The following SYCP2L variants were observed in gnomAD, a reference collection of about 807,000 sequenced individuals.
SYCP2L encodes synaptonemal complex protein 2 like, also known as synaptonemal complex protein 2-like.
In SYCP2L, 98 loss-of-function variants were observed where a neutral mutation model predicts 125.8. The observed-to-expected ratio is 0.78, with a 90% confidence interval of 0.66 to 0.92. The LOEUF is 0.92. SYCP2L is among the 40% of genes least tolerant of loss of function. The pLI is 0.00. For synonymous variants in SYCP2L, 317 were observed against 325.4 expected, an observed-to-expected ratio of 0.97 and a Z score of 0.28; for missense variants, 842 against 936.4, an observed-to-expected ratio of 0.90 and a Z score of 1.32.
chr6:10,919,120 G>C (rs1484404935), intron 14 of SYCP2L, among the ~76,000 whole-genome samples: 1 of 152,132 alleles, frequency 6.6e-6, no homozygotes, highest in African/African-American at 2.4e-5. Context: ...TGGTGAGCTA[G>C]TATGATTTTT....
chr6:10,948,029 C>CT (rs551796289), intron 23 of SYCP2L, among the ~76,000 whole-genome samples: 3 of 151,934 alleles, frequency 2.0e-5, no homozygotes, highest in Non-Finnish European at 2.9e-5. Flanking sequence ...CCTTTGGTTT[C>CT]TTTTTTTCCC....
intron 1 of SYCP2L, among the ~76,000 whole-genome samples, chr6:10,889,713 C>T (rs961537674): frequency 5.3e-5 from 8 of 151,522 alleles, no homozygotes; most frequent in African/African-American, 1.7e-4. Context: ...CTCCGCGTCC[C>T]GGGTTCAAGC....
intron 26 of SYCP2L, among the ~76,000 whole-genome samples, chr6:10,960,664 A>G (rs1280103298): frequency 1.3e-5 from 2 of 152,102 alleles, no homozygotes; most frequent in Non-Finnish European, 2.9e-5. Flanking sequence ...AATGCAAGAG[A>G]AAGGGGAGCA....
At position 10,915,349 on chromosome 6, in the gene SYCP2L, G is replaced by T. The variant is rs182957176; in HGVS notation, c.1072+2422G>T. On this transcript the variant is annotated intron_variant, in intron 14 of 29. Coordinates refer to ENST00000283141, the MANE Select transcript of SYCP2L (RefSeq NM_001040274.3). The stretch of plus-strand genomic sequence containing the variant: ...TCTGATTGCTCTGGCTAGGACTTCC[G>T]ATACTATGTTGAAGAGGAGTGGTGA... Among the ~76,000 whole-genome samples the T allele has an allele frequency of 1.6e-3, 240 of 152,178 alleles. 1 individual carries two copies. Among genetic ancestry groups the T allele is most frequent in the African/African-American group, 5.6e-3 (231 of 41,510 alleles).
At chr6:10,952,611 C>T (rs1304237594) in intron 23 of SYCP2L, among the ~76,000 whole-genome samples, 1 of 148,478 alleles carries the variant, frequency 6.7e-6, no homozygotes, top group East Asian at 2.0e-4. Context: ...CCAGAAGGGG[C>T]AGAACAGGTA....
chr6:10,967,518 A>T (rs1004645839), intron 29 of SYCP2L, among the ~76,000 whole-genome samples: 1 of 149,504 alleles, frequency 6.7e-6, no homozygotes, highest in East Asian at 2.0e-4. Flanking sequence ...AAAAAGAAAA[A>T]CCATTAGAAG....
intron 5 of SYCP2L, 37 bp from the exon 6 acceptor site, chr6:10,898,787 A>G (rs779515494): frequency 7.7e-6 from 10 of 1,292,110 alleles, no homozygotes; most frequent in Non-Finnish European, 1.1e-5. Context: ...GCTGTTTTAA[A>G]ATAATATGAG....
chr6:10,964,671 T>C (rs529202973), intron 29 of SYCP2L, among the ~76,000 whole-genome samples: 1 of 152,322 alleles, frequency 6.6e-6, no homozygotes, highest in South Asian at 2.1e-4. Context: ...CAAACGTGTT[T>C]AATGGAGGCA....
chr6:10,899,053 T>G (rs1457649090), intron 6 of SYCP2L, among the ~76,000 whole-genome samples: 4 of 152,358 alleles, frequency 2.6e-5, no homozygotes, highest in Non-Finnish European at 5.9e-5. Context: ...AGAAGCATTT[T>G]TATTTCGCTG....
intron 29 of SYCP2L, among the ~76,000 whole-genome samples, chr6:10,965,002 C>A (rs550906633): frequency 2.0e-5 from 3 of 151,990 alleles, no homozygotes; most frequent in Non-Finnish European, 4.4e-5. Context: ...CTTCATTGTC[C>A]ATGTTGAGGA....
At chr6:10,917,730 T>C (rs986756412) in intron 14 of SYCP2L, among the ~76,000 whole-genome samples, 3 of 152,268 alleles carry the variant, frequency 2.0e-5, no homozygotes, top group African/African-American at 7.2e-5. Flanking sequence ...ATATTGTATT[T>C]TTGTTTTATA....
intron 1 of SYCP2L, among the ~76,000 whole-genome samples, chr6:10,889,774 C>T (rs926001096): frequency 2.0e-5 from 3 of 152,148 alleles, no homozygotes; most frequent in African/African-American, 7.2e-5. Flanking sequence ...GCATGCGCCA[C>T]CCTGCCCGGA....
intron 14 of SYCP2L, among the ~76,000 whole-genome samples, chr6:10,915,957 T>A (rs2876212): frequency 0.37 from 56,027 of 152,002 alleles, 11,688 homozygotes; most frequent in Admixed American, 0.52. Flanking sequence ...TCCTGGACTT[T>A]TTGGTGTTGG....
chr6:10,931,569 AT>A (rs1220498380), intron 20 of SYCP2L, 80 bp downstream of exon 20: 4 of 1,381,058 alleles, frequency 2.9e-6, no homozygotes, highest in Non-Finnish European at 4.1e-6. Flanking sequence ...TTTCAGAAAT[AT>A]AAAAATAACA....
chr6:10,916,028 TTC>T (rs1780687094), intron 14 of SYCP2L, among the ~76,000 whole-genome samples: 1 of 152,218 alleles, frequency 6.6e-6, no homozygotes, highest in Non-Finnish European at 1.5e-5. Context: ...GGGTATCTGA[TTC>T]TTCCTGATTT....
intron 21 of SYCP2L, among the ~76,000 whole-genome samples, chr6:10,942,153 G>T (rs868478036): frequency 9.1e-6 from 1 of 110,042 alleles, no homozygotes; most frequent in African/African-American, 3.5e-5. Context: ...GTTGTGGGGT[G>T]GGGGGAGGGG....
intron 21 of SYCP2L, among the ~76,000 whole-genome samples, chr6:10,940,024 G>A (rs992228864): frequency 2.6e-5 from 4 of 152,170 alleles, no homozygotes; most frequent in Admixed American, 2.0e-4. Context: ...AATTAAAAAT[G>A]GGTAAAGAAG....
intron 1 of SYCP2L, among the ~76,000 whole-genome samples, chr6:10,889,283 A>C (rs1470601966): frequency 6.6e-6 from 1 of 152,188 alleles, no homozygotes; most frequent in Non-Finnish European, 1.5e-5. Context: ...ATTGACACAT[A>C]TATTAATTGA....
intron 29 of SYCP2L, among the ~76,000 whole-genome samples, chr6:10,972,554 T>C (rs1781791721): frequency 6.6e-6 from 1 of 152,228 alleles, no homozygotes; most frequent in Non-Finnish European, 1.5e-5. Flanking sequence ...ACCGTTCTTT[T>C]TGTGACTTGG....
Sources: allele counts gnomAD v4.1 joint callset (sites outside exome capture counted in the v4.1 genomes callset), GRCh38; gene constraint gnomAD v4.1.1; transcripts MANE v1.5; gene names NCBI Gene and HGNC (gene_info 2026-07-23, HGNC 2026-07-21).